The following ARHGAP15 variants were observed in gnomAD, a reference collection of about 807,000 sequenced individuals.
The protein encoded by ARHGAP15 is rho GTPase-activating protein 15.
In ARHGAP15, 51 loss-of-function variants were observed where a neutral mutation model predicts 63.7. The ratio of observed to expected loss-of-function variants is 0.80; its 90% CI spans 0.64 to 1.01. The LOEUF is 1.01. Among genes scored for constraint, ARHGAP15 ranks in the 50% least tolerant of loss-of-function variants. The probability of loss-of-function intolerance (pLI) is 0.00; values close to 1 mark genes in which losing one functional copy is unlikely to be tolerated. For synonymous variants in ARHGAP15, 191 were observed against 193.8 expected, an observed-to-expected ratio of 0.99 and a Z score of 0.12; for missense variants, 560 against 564.6, an observed-to-expected ratio of 0.99 and a Z score of 0.08.
chr2:143,720,980 G>A (rs1685028865), intron 13 of ARHGAP15, among the ~76,000 whole-genome samples: 1 of 146,632 alleles, frequency 6.8e-6, no homozygotes, highest in Non-Finnish European at 1.5e-5. Context: ...GAGGCAGAAT[G>A]GTGTGAACCT....
intron 11 of ARHGAP15, chr2:143,608,403 TCAGTAAG>T (rs1698121365): frequency 2.6e-5 from 4 of 152,242 alleles, no homozygotes; most frequent in South Asian, 4.1e-4. Flanking sequence ...AGAAATATTG[TCAGTAAG>T]CAGAACCAGT....
chr2:143,344,432 A>G lies in ARHGAP15; in HGVS notation c.475-91169A>G, dbSNP rs867911903. ...AGTTATGTAATTATTTACTCAAGTA[A>G]AAGTTTAGGTAGCAGTATAGTAGAG... On this transcript the variant is annotated intron_variant, in intron 6 of 13. Transcript: ENST00000295095. Among the ~76,000 whole-genome samples the G allele has an allele frequency of 2.6e-5, 4 of 152,118 alleles. 1 individual carries two copies. The South Asian group carries it at 8.3e-4, about 32-fold the overall frequency.
chr2:143,713,292 GACAA>G (rs1684666638), intron 13 of ARHGAP15, among the ~76,000 whole-genome samples: 1 of 152,116 alleles, frequency 6.6e-6, no homozygotes, highest in Admixed American at 6.5e-5. Context: ...GGAAACCCCT[GACAA>G]ACCTGTCAGA....
In ARHGAP15 at chr2:143,627,834, C is replaced by T. The variant is rs1056015168; in HGVS notation, c.1138+3567C>T. Among the ~76,000 whole-genome samples the T allele has an allele frequency of 4.0e-5, 6 of 151,830 alleles. No individual in the cohort carries two copies. In the East Asian group the frequency reaches 7.8e-4, roughly 20 times the overall value. Reference sequence around the variant, plus strand: ...ATGCTGTTTTTGTGGGGTTTTTTTTCGACTTTTATTTTAGATTAAGAAGGT... The same window carrying T: ...ATGCTGTTTTTGTGGGGTTTTTTTTTGACTTTTATTTTAGATTAAGAAGGT... On this transcript the variant is annotated intron_variant, in intron 12 of 13. Coordinates refer to ENST00000295095, the MANE Select transcript of ARHGAP15 (RefSeq NM_018460.4).
At chr2:143,582,360 C>T (rs943614768) in intron 11 of ARHGAP15, among the ~76,000 whole-genome samples, 2 of 152,090 alleles carry the variant, frequency 1.3e-5, no homozygotes, top group Admixed American at 6.6e-5. Flanking sequence ...CATCAAAAAT[C>T]GAGGGCACTA....
chr2:143,566,516 T>G (rs930370333), intron 11 of ARHGAP15, among the ~76,000 whole-genome samples: 1 of 152,040 alleles, frequency 6.6e-6, no homozygotes, highest in African/African-American at 2.4e-5. Context: ...GGTGATGGGT[T>G]CAATGTGAAT....
chr2:143,737,465 T>A (rs1685789347), intron 13 of ARHGAP15, among the ~76,000 whole-genome samples: 1 of 152,210 alleles, frequency 6.6e-6, no homozygotes, highest in South Asian at 2.1e-4. Context: ...ATGTAGAACA[T>A]GAGGATGAAT....
chr2:143,420,089 C>T (rs1688854831), intron 6 of ARHGAP15, among the ~76,000 whole-genome samples: 1 of 152,102 alleles, frequency 6.6e-6, no homozygotes, highest in Non-Finnish European at 1.5e-5. Context: ...GTTTTAAGGT[C>T]AGGTCAGGAT....
intron 8 of ARHGAP15, among the ~76,000 whole-genome samples, chr2:143,447,944 A>G (rs1690221810): frequency 6.6e-6 from 1 of 152,160 alleles, no homozygotes; most frequent in Non-Finnish European, 1.5e-5. Context: ...AGATTTGATC[A>G]CAGGTAATAT....
intron 6 of ARHGAP15, among the ~76,000 whole-genome samples, chr2:143,410,844 G>C (rs1453140551): frequency 2.7e-5 from 4 of 150,310 alleles, no homozygotes; most frequent in Non-Finnish European, 5.9e-5. Flanking sequence ...AGTATAGTTA[G>C]GTTTTGTTGA....
chr2:143,375,924 T>C (rs10182127), intron 6 of ARHGAP15, among the ~76,000 whole-genome samples: 27 of 152,244 alleles, frequency 1.8e-4, no homozygotes, highest in African/African-American at 6.5e-4. Context: ...GCAAGCTCTC[T>C]TTAAAGAAAA....
At chr2:143,582,755 ATC>A (rs1270581946) in intron 11 of ARHGAP15, among the ~76,000 whole-genome samples, 1 of 152,220 alleles carries the variant, frequency 6.6e-6, no homozygotes, top group Admixed American at 6.5e-5. Context: ...GTCTACTGGC[ATC>A]TCTCTTTCCC....
At chr2:143,609,082 C>T (rs1698156376) in intron 11 of ARHGAP15, among the ~76,000 whole-genome samples, 1 of 152,172 alleles carries the variant, frequency 6.6e-6, no homozygotes, top group South Asian at 2.1e-4. Flanking sequence ...CAGTATTCTT[C>T]TGTTTTGGCT....
rs1358471452 is a variant in ARHGAP15, at chr2:143,746,282, A to C, written c.1245-21707A>C. On this transcript the variant is annotated intron_variant, in intron 13 of 13. Coordinates refer to ENST00000295095, the MANE Select transcript of ARHGAP15 (RefSeq NM_018460.4). ...CACAGATGATATTTTGCACTTACCA[A>C]ATTCCTTTTTCAAAAAAAAACCCTC... 3.6e-5 allele frequency among the ~76,000 whole-genome samples: 5 copies of C among 137,094 alleles called. 1 individual carries two copies. The South Asian group carries it at 1.3e-3, about 36-fold the overall frequency. The allele number at this position is 137,094 out of a possible 152,430, so 89.9% of individuals were successfully genotyped here.
At chr2:143,449,547 A>C (rs529788912) in intron 8 of ARHGAP15, among the ~76,000 whole-genome samples, 10 of 152,212 alleles carry the variant, frequency 6.6e-5, no homozygotes, top group Admixed American at 6.6e-4. Flanking sequence ...CTGGATGAGC[A>C]GCAACGTAGC....
At position 143,586,544 on chromosome 2, in the gene ARHGAP15, A is replaced by AT. The variant is rs543975493; in HGVS notation, c.1003+30063dup. 7.9e-5 allele frequency among the ~76,000 whole-genome samples: 12 copies of AT among 151,552 alleles called. No homozygotes were observed. In the South Asian group the frequency reaches 1.7e-3, roughly 21 times the overall value. On this transcript the variant is annotated intron_variant, in intron 11 of 13. Transcript: ENST00000295095. ...CTGTGTTTTCAGTCATGCATATTTT[A>AT]TTTTGCTTCTACTTTGACATTTATA...
Position 143,157,515 on chromosome 2 carries a change from C to T in ARHGAP15, c.165+1860C>T, listed in dbSNP as rs1351043350. Among the ~76,000 whole-genome samples the T allele has an allele frequency of 3.3e-5, 5 of 151,410 alleles. No individual in the cohort carries two copies. In the East Asian group the frequency reaches 5.9e-4, roughly 18 times the overall value. On this transcript the variant is annotated intron_variant, in intron 2 of 13. Transcript: ENST00000295095. ...CTATAATTATCCCAGCTTTTGTTTC[C>T]GCATTCTTAGCCTGGGCAATATGTA...
intron 2 of ARHGAP15, among the ~76,000 whole-genome samples, chr2:143,163,548 C>G (rs1458183645): frequency 6.6e-6 from 1 of 151,786 alleles, no homozygotes; most frequent in Non-Finnish European, 1.5e-5. Flanking sequence ...TCAAGATTGC[C>G]TCAAGGTTCT....
chr2:143,564,959 TTTAA>T lies in ARHGAP15; in HGVS notation c.1003+8477_1003+8480del, dbSNP rs144575431. Among the ~76,000 whole-genome samples, 109 of 152,312 alleles carry T rather than the reference TTTAA, an allele frequency of 7.2e-4. 2 individuals carry two copies. The East Asian group carries it at 0.02, about 27-fold the overall frequency. On this transcript the variant is annotated intron_variant, in intron 11 of 13. Coordinates refer to ENST00000295095, the MANE Select transcript of ARHGAP15 (RefSeq NM_018460.4). ...TATATCATTGCTGATAATAGGAGCA[TTTAA>T]TTGAGAATCTACTACATGACAGGTA...
Sources: allele counts gnomAD v4.1 joint callset (sites outside exome capture counted in the v4.1 genomes callset), GRCh38; gene constraint gnomAD v4.1.1; transcripts MANE v1.5; gene names NCBI Gene and HGNC (gene_info 2026-07-23, HGNC 2026-07-21).